Variants in NAA15 observed in about 807,000 individuals in gnomAD.
The protein encoded by NAA15 is N-terminal acetyltransferase.
A neutral mutation model predicts 114.0 loss-of-function variants in NAA15; 34 were observed. The observed-to-expected ratio is 0.30, with a 90% CI of 0.23 to 0.40. The LOEUF is 0.40. Ranked by LOEUF, NAA15 falls within the 10% of genes least tolerant of loss-of-function variation. The pLI is 1.00. For missense variants in NAA15, 658 were observed against 1,004.5 expected (o/e 0.66, Z 4.66); for synonymous variants, 340 against 338.0 (o/e 1.01, Z -0.06).
chr4:139,391,046 A>G lies in NAA15; in HGVS notation c.*2962A>G, dbSNP rs925247942. On this transcript the variant is annotated 3_prime_UTR_variant, in exon 20 of 20. Transcript: ENST00000296543. ...TTTGGGAAAAGCTGTAATGTAAAATATTGGACTTTGTTGCAAGATAGGTAT... is the reference window on the plus strand; with the variant it reads ...TTTGGGAAAAGCTGTAATGTAAAATGTTGGACTTTGTTGCAAGATAGGTAT... 6.6e-6 allele frequency: 1 copy of G among 152,256 alleles called. No homozygotes were observed. Among genetic ancestry groups the G allele is most frequent in the Non-Finnish European group, 1.5e-5 (1 of 68,046 alleles). The allele number at this position is 152,256 out of a possible 1,614,324, so 9.4% of individuals were successfully genotyped here. A position where few individuals can be genotyped will look rare whatever the true frequency, so the allele number is the denominator to read the frequency against.
intron 1 of NAA15, among the ~76,000 whole-genome samples, chr4:139,324,330 T>G (rs1746718392): frequency 6.6e-6 from 1 of 152,252 alleles, no homozygotes; most frequent in Non-Finnish European, 1.5e-5. Context: ...AACTAACATA[T>G]GCAGGTGTTA....
chr4:139,369,732 C>T (rs192105927), intron 14 of NAA15, among the ~76,000 whole-genome samples: 1,613 of 116,396 alleles, frequency 0.014, 11 homozygotes, highest in East Asian at 0.031. Context: ...AGTGAGACTC[C>T]GTCTCAAAAA....
intron 5 of NAA15, 114 bp from the exon 6 acceptor site, chr4:139,344,071 GT>G: frequency 1.2e-6 from 1 of 866,462 alleles, no homozygotes; most frequent in Non-Finnish European, 1.7e-6. Flanking sequence ...TTAAAAATTA[GT>G]TTTATCAACC....
chr4:139,364,890 T>C (rs1217212809), intron 14 of NAA15, among the ~76,000 whole-genome samples: 1 of 152,206 alleles, frequency 6.6e-6, no homozygotes, highest in African/African-American at 2.4e-5. Context: ...GTAGTTTTAT[T>C]TCTTTCAATA....
intron 1 of NAA15, among the ~76,000 whole-genome samples, chr4:139,316,206 A>G (rs1746405992): frequency 6.6e-6 from 1 of 151,926 alleles, no homozygotes; most frequent in Admixed American, 6.6e-5. Context: ...TTAAATTTTT[A>G]CATGTTTAAA....
At chr4:139,367,724 G>C (rs946756330) in intron 14 of NAA15, among the ~76,000 whole-genome samples, 1 of 152,088 alleles carries the variant, frequency 6.6e-6, no homozygotes, top group Non-Finnish European at 1.5e-5. Context: ...CATATTTTTT[G>C]ATCTTTGCCC....
In NAA15 at chr4:139,311,738, G is replaced by A. The variant is rs919119534; in HGVS notation, c.54+9907G>A. The stretch of plus-strand genomic sequence containing the variant: ...AAAGCTTTACAACCGATTCTGACAC[G>A]AAGTCAGGGTTGATGACCACTATAT... On this transcript the variant is annotated intron_variant, in intron 1 of 19. Coordinates refer to ENST00000296543, the MANE Select transcript of NAA15 (RefSeq NM_057175.5). Among the ~76,000 whole-genome samples, 8 of 151,838 alleles carry A rather than the reference G, an allele frequency of 5.3e-5. 1 individual carries two copies. Among genetic ancestry groups the A allele is most frequent in the East Asian group, 1.9e-4 (1 of 5,176 alleles).
chr4:139,339,379 C>T (rs1471618241), intron 3 of NAA15, among the ~76,000 whole-genome samples: 1 of 152,128 alleles, frequency 6.6e-6, no homozygotes, highest in African/African-American at 2.4e-5. Flanking sequence ...TGCCTGTGGT[C>T]CTAGCTGCTC....
chr4:139,381,960 T>TAATTG, intron 17 of NAA15, among the ~76,000 whole-genome samples: 1 of 152,292 alleles, frequency 6.6e-6, no homozygotes, highest in East Asian at 1.9e-4. Context: ...TTATTACTCT[T>TAATTG]TCATGGAAGG....
chr4:139,349,329 TGGAAC>T (rs1256038455), intron 6 of NAA15, 128 bp from the exon 7 acceptor site: 31 of 711,126 alleles, frequency 4.4e-5, no homozygotes, highest in Non-Finnish European at 6.3e-5. Context: ...TTAAGGGAAC[TGGAAC>T]CAGGTCCATC....
chr4:139,313,019 T>A (rs1475061840), intron 1 of NAA15, among the ~76,000 whole-genome samples: 1 of 151,884 alleles, frequency 6.6e-6, no homozygotes, highest in Non-Finnish European at 1.5e-5. Flanking sequence ...GGAAATAATA[T>A]TATTTGAAGC....
At chr4:139,346,286 C>T (rs550921302) in intron 6 of NAA15, among the ~76,000 whole-genome samples, 8 of 152,130 alleles carry the variant, frequency 5.3e-5, no homozygotes, top group South Asian at 2.1e-4. Flanking sequence ...TAATTGCTTC[C>T]GTTTTCTACA....
In NAA15 at chr4:139,390,650, T is replaced by C. The variant is rs935892130; in HGVS notation, c.*2566T>C. On this transcript the variant is annotated 3_prime_UTR_variant, in exon 20 of 20. Coordinates refer to ENST00000296543, the MANE Select transcript of NAA15 (RefSeq NM_057175.5). ...TGTTTTTCTTTATATTCAGCTACTC[T>C]TGTCATTTCTCGTTGAAAAACTAAA... 2.0e-5 allele frequency: 3 copies of C among 152,602 alleles called. No individual in the cohort carries two copies. The highest frequency in any genetic ancestry group is 2.9e-5 in the Non-Finnish European group (2 of 68,048). The allele number at this position is 152,602 out of a possible 1,614,324, so 9.5% of individuals were successfully genotyped here. A position where few individuals can be genotyped will look rare whatever the true frequency, so the allele number is the denominator to read the frequency against.
chr4:139,305,165 A>G (rs1745968304), intron 1 of NAA15, among the ~76,000 whole-genome samples: 1 of 152,202 alleles, frequency 6.6e-6, no homozygotes, highest in Non-Finnish European at 1.5e-5. Context: ...TATAATAGCA[A>G]TTTTTGATTA....
rs186766318 is a variant in NAA15, at chr4:139,325,157, G to T, written c.55-9017G>T. ...ATTTTCCTGTCAGTTATTTGGAGGGGATTATCTAGTTTAATTTTGTATGTT... is the reference window on the plus strand; with the variant it reads ...ATTTTCCTGTCAGTTATTTGGAGGGTATTATCTAGTTTAATTTTGTATGTT... On this transcript the variant is annotated intron_variant, in intron 1 of 19. Transcript: ENST00000296543. Among the ~76,000 whole-genome samples, 13 of 152,206 alleles carry T rather than the reference G, an allele frequency of 8.5e-5. 1 individual carries two copies. In the East Asian group the frequency reaches 2.5e-3, roughly 29 times the overall value.
intron 9 of NAA15, among the ~76,000 whole-genome samples, chr4:139,353,152 A>G (rs1294185055): frequency 6.6e-6 from 1 of 152,240 alleles, no homozygotes; most frequent in Non-Finnish European, 1.5e-5. Context: ...CTTATGGAAC[A>G]GTCATTTTCA....
chr4:139,344,240 C>G lies in NAA15; in HGVS notation c.592C>G (p.Gln198Glu). ...EYSELLLYQN[Q>E]VLREAGLYRE... ...TAGTGAACTACTCTTATATCAGAAT[C>G]AAGTTCTTCGGGAAGCAGGTCTCTA... Residue 198 changes from glutamine to glutamate, a missense_variant, in exon 6 of 20, where the codon CAA (glutamine) becomes GAA (glutamate). Coordinates refer to ENST00000296543, the MANE Select transcript of NAA15 (RefSeq NM_057175.5). 4 of 1,612,928 alleles carry G rather than the reference C, an allele frequency of 2.5e-6. No individual in the cohort carries two copies. Among genetic ancestry groups the G allele is most frequent in the Non-Finnish European group, 3.4e-6 (4 of 1,179,242 alleles).
At chr4:139,374,931 A>G (rs1270609049) in intron 15 of NAA15, among the ~76,000 whole-genome samples, 1 of 152,176 alleles carries the variant, frequency 6.6e-6, no homozygotes, top group Middle Eastern at 3.2e-3. Flanking sequence ...AAATACTTGT[A>G]TTGATTTACC....
chr4:139,309,959 T>A (rs978263762), intron 1 of NAA15, among the ~76,000 whole-genome samples: 1 of 152,148 alleles, frequency 6.6e-6, no homozygotes, highest in Admixed American at 6.5e-5. Context: ...ATCCAAACTA[T>A]TGGAGCGCTG....
Sources: gnomAD v4.1 joint callset for allele counts (sites outside exome capture counted in the v4.1 genomes callset) on GRCh38, gnomAD v4.1.1 for gene constraint, MANE v1.5 for transcripts, NCBI Gene and HGNC (gene_info 2026-07-23, HGNC 2026-07-21) for gene names.